DBF4: variants seen among roughly 807,000 people sequenced by gnomAD.
DBF4 encodes the protein protein DBF4 homolog A.
Under a neutral mutation model 76.6 loss-of-function variants are expected in DBF4, and 25 were observed. The ratio of observed to expected loss-of-function variants is 0.33; its 90% confidence interval spans 0.24 to 0.46. The LOEUF is 0.46. DBF4 is among the 20% of genes least tolerant of loss of function. The probability of loss-of-function intolerance (pLI) is 1.00; values close to 1 mark genes in which losing one functional copy is unlikely to be tolerated. For missense variants in DBF4, 638 were observed against 760.8 expected, an observed-to-expected ratio of 0.84 and a Z score of 1.90; for synonymous variants, 213 against 258.0, an observed-to-expected ratio of 0.83 and a Z score of 1.67.
intron 1 of DBF4, 88 bp downstream of exon 1, chr7:87,876,866 G>A (rs968107516): frequency 2.8e-6 from 4 of 1,437,168 alleles, no homozygotes; most frequent in South Asian, 2.4e-5. Context: ...TCTCCCGCCG[G>A]GTCCTCAGCT....
chr7:87,883,767 G>A (rs969020857), intron 2 of DBF4, among the ~76,000 whole-genome samples: 1 of 151,926 alleles, frequency 6.6e-6, no homozygotes, highest in African/African-American at 2.4e-5. Context: ...TTATAGTGTG[G>A]GATCCTATAG....
At chr7:87,903,881 A>G (rs921677190) in intron 10 of DBF4, among the ~76,000 whole-genome samples, 1 of 151,830 alleles carries the variant, frequency 6.6e-6, no homozygotes, top group Non-Finnish European at 1.5e-5. Context: ...TTTTTAGTAG[A>G]GATAGGGTTT....
intron 10 of DBF4, among the ~76,000 whole-genome samples, chr7:87,903,689 C>CTTTTTTTTTT (rs56740998): frequency 1.0e-5 from 1 of 98,106 alleles, no homozygotes; most frequent in Non-Finnish European, 2.0e-5. Flanking sequence ...CTCTGTATCC[C>CTTTTTTTTTT]TTTTTTTTTT....
Position 87,903,686 on chromosome 7 carries a change from TC to T in DBF4, c.925-603del, listed in dbSNP as rs1319593536. 4.2e-5 allele frequency among the ~76,000 whole-genome samples: 6 copies of T among 141,920 alleles called. No homozygotes were observed. The East Asian group carries it at 1.2e-3, about 28-fold the overall frequency. The allele number at this position is 141,920 out of a possible 152,430, so 93.1% of individuals were successfully genotyped here. ...TGTTACTGTTGTCTCTCTCTCTGTATCCCTTTTTTTTTTTTTTTTTTTTTTT... is the reference window on the plus strand; with the variant it reads ...TGTTACTGTTGTCTCTCTCTCTGTATCCTTTTTTTTTTTTTTTTTTTTTTT... On this transcript the variant is annotated intron_variant, in intron 10 of 11. Coordinates refer to ENST00000265728, the MANE Select transcript of DBF4 (RefSeq NM_006716.4).
chr7:87,901,568 T>C (rs1839790874), intron 10 of DBF4, among the ~76,000 whole-genome samples: 2 of 152,128 alleles, frequency 1.3e-5, no homozygotes, highest in African/African-American at 4.8e-5. Flanking sequence ...GGCTTATTAT[T>C]TATAATGGGA....
chr7:87,904,114 T>C (rs922127641), intron 10 of DBF4, among the ~76,000 whole-genome samples, 178 bp from the exon 11 acceptor site: 3 of 152,260 alleles, frequency 2.0e-5, no homozygotes, highest in African/African-American at 7.2e-5. Flanking sequence ...TTCTCAAAAG[T>C]GACTTTTATT....
chr7:87,878,739 G>C (rs114324799), intron 2 of DBF4, among the ~76,000 whole-genome samples: 126 of 152,324 alleles, frequency 8.3e-4, no homozygotes, highest in African/African-American at 3.0e-3. Context: ...ACACTGATTA[G>C]ATGATTGGGA....
At position 87,878,829 on chromosome 7, in the gene DBF4, T is replaced by A. The variant is rs181475713; in HGVS notation, c.219+604T>A. 9.8e-5 allele frequency among the ~76,000 whole-genome samples: 15 copies of A among 152,326 alleles called. No homozygotes were observed. In the East Asian group the frequency reaches 2.9e-3, roughly 29 times the overall value. On this transcript the variant is annotated intron_variant, in intron 2 of 11. Coordinates refer to ENST00000265728, the MANE Select transcript of DBF4 (RefSeq NM_006716.4). Reference sequence around the variant, plus strand: ...GGCTGAATTTTGGCAAATGAGGTAATTAAGATTTTTTTCTGTTTAAAAGGT... The same window carrying A: ...GGCTGAATTTTGGCAAATGAGGTAAATAAGATTTTTTTCTGTTTAAAAGGT...
Position 87,897,712 on chromosome 7 carries a change from A to G in DBF4, c.680+373A>G, listed in dbSNP as rs1839676095. On this transcript the variant is annotated intron_variant, in intron 8 of 11. Coordinates refer to ENST00000265728, the MANE Select transcript of DBF4 (RefSeq NM_006716.4). ...ATTTAGAAACAGAAAATCTAAGTAT[A>G]ACATCTAACATGGTTGATTTCCAAA... 2.0e-5 allele frequency among the ~76,000 whole-genome samples: 3 copies of G among 152,212 alleles called. No individual in the cohort carries two copies. In the South Asian group the frequency reaches 6.2e-4, roughly 32 times the overall value.
intron 6 of DBF4, among the ~76,000 whole-genome samples, chr7:87,894,431 C>T (rs1839576053): frequency 6.6e-6 from 1 of 151,562 alleles, no homozygotes; most frequent in East Asian, 1.9e-4. Flanking sequence ...CTGCTTGCGA[C>T]AGGGCAAGAC....
At chr7:87,900,382 T>G (rs1198933541) in intron 9 of DBF4, 33 bp downstream of exon 9, 2 of 1,563,634 alleles carry the variant, frequency 1.3e-6, no homozygotes, top group African/African-American at 2.8e-5. Flanking sequence ...AGAAGGAATA[T>G]TCAGAATTTC....
rs930650883 is a variant in DBF4 at position 87,886,721 on chromosome 7, T to C, written c.400-123T>C. On this transcript the variant is annotated intron_variant, in intron 3 of 11. Coordinates refer to ENST00000265728, the MANE Select transcript of DBF4 (RefSeq NM_006716.4). Reference sequence around the variant, plus strand: ...AGAATTTACTACAAAACCAAAGAGGTCACCCAAAAAAGAGAAACTTTTTAA... The same window carrying C: ...AGAATTTACTACAAAACCAAAGAGGCCACCCAAAAAAGAGAAACTTTTTAA... The C allele has an allele frequency of 2.7e-5, 17 of 639,660 alleles. No individual in the cohort carries two copies. In the African/African-American group the frequency reaches 3.3e-4, roughly 12 times the overall value. The allele number at this position is 639,660 out of a possible 1,614,324, so 39.6% of individuals were successfully genotyped here. A position where few individuals can be genotyped will look rare whatever the true frequency, so the allele number is the denominator to read the frequency against.
At chr7:87,883,974 C>T (rs1047447613) in intron 2 of DBF4, among the ~76,000 whole-genome samples, 5 of 151,978 alleles carry the variant, frequency 3.3e-5, no homozygotes, top group Admixed American at 6.6e-5. Context: ...CTGACCCTGG[C>T]GATCTTTAAT....
chr7:87,900,788 T>C lies in DBF4; in HGVS notation c.834T>C (p.Tyr278=), dbSNP rs759281459. 1.1e-5 allele frequency: 17 copies of C among 1,613,178 alleles called. No individual in the cohort carries two copies. Among genetic ancestry groups the C allele is most frequent in the East Asian group, 4.5e-5 (2 of 44,804 alleles). Residue 278 remains tyrosine (Y), a synonymous_variant, in exon 10 of 12, where the codon TAT becomes TAC. Transcript: ENST00000265728. ...KLRIQTDGDK[Y]GGTSIQLQLK... ...GAATCCAAACAGATGGCGATAAGTATGGTGGAACCTCAATTCAACTCCAGT... is the reference window on the plus strand; with the variant it reads ...GAATCCAAACAGATGGCGATAAGTACGGTGGAACCTCAATTCAACTCCAGT...
intron 6 of DBF4, among the ~76,000 whole-genome samples, chr7:87,889,539 C>T (rs999807333): frequency 1.3e-5 from 2 of 152,120 alleles, no homozygotes; most frequent in Admixed American, 6.5e-5. Flanking sequence ...CTCAGCCTCC[C>T]AAAGTGCTGA....
intron 6 of DBF4, among the ~76,000 whole-genome samples, chr7:87,895,409 A>C (rs1365122122): frequency 2.0e-5 from 3 of 152,168 alleles, no homozygotes; most frequent in African/African-American, 7.2e-5. Flanking sequence ...GTGAAATTTA[A>C]GTTTTGACTG....
intron 6 of DBF4, among the ~76,000 whole-genome samples, chr7:87,893,259 G>C (rs1311228779): frequency 4.0e-5 from 5 of 124,740 alleles, no homozygotes; most frequent in Non-Finnish European, 8.2e-5. Context: ...TTTTTTTTGA[G>C]ACGGAGTCTC....
At chr7:87,892,651 A>T (rs1839523494) in intron 6 of DBF4, among the ~76,000 whole-genome samples, 1 of 152,314 alleles carries the variant, frequency 6.6e-6, no homozygotes, top group East Asian at 1.9e-4. Context: ...GTTTTGTTAT[A>T]ATATGCCAAA....
intron 1 of DBF4, among the ~76,000 whole-genome samples, chr7:87,877,383 C>T (rs1052557128): frequency 6.6e-6 from 1 of 152,144 alleles, no homozygotes; most frequent in Non-Finnish European, 1.5e-5. Context: ...GTTTTTTGTA[C>T]AGGTGTTTGT....
Sources: gnomAD v4.1 joint callset for allele counts (sites outside exome capture counted in the v4.1 genomes callset) on GRCh38, gnomAD v4.1.1 for gene constraint, MANE v1.5 for transcripts, NCBI Gene and HGNC (gene_info 2026-07-23, HGNC 2026-07-21) for gene names.